Variants in PDS5B observed in about 807,000 individuals in gnomAD.
PDS5B encodes the protein PDS5 cohesin associated factor B.
PDS5B carries 51 observed loss-of-function variants against 184.1 expected under a neutral mutation model. That is an observed-to-expected ratio of 0.28 (90% CI 0.22 to 0.35). The LOEUF (loss-of-function observed/expected upper bound fraction) is 0.35. PDS5B is among the 10% of genes least tolerant of loss of function. The pLI, the probability that PDS5B is intolerant of heterozygous loss-of-function variation, is 1.00. For synonymous variants in PDS5B, 566 were observed against 569.2 expected (o/e 0.99, Z 0.08); for missense variants, 1,180 against 1,723.3 (o/e 0.68, Z 5.58).
At chr13:32,601,310 T>C (rs1216914648) in intron 1 of PDS5B, among the ~76,000 whole-genome samples, 2 of 152,236 alleles carry the variant, frequency 1.3e-5, no homozygotes, top group African/African-American at 4.8e-5. Flanking sequence ...TTCACACTCA[T>C]TTTCATTCAT....
chr13:32,606,024 T>G (rs1455281597), intron 1 of PDS5B, among the ~76,000 whole-genome samples: 1 of 152,196 alleles, frequency 6.6e-6, no homozygotes, highest in Non-Finnish European at 1.5e-5. Flanking sequence ...TTTATCCAAT[T>G]TGCCAGTCTG....
chr13:32,652,025 T>G lies in PDS5B; in HGVS notation c.312+18T>G. 6.7e-7 allele frequency: 1 copy of G among 1,502,738 alleles called. No homozygotes were observed. 93.1% of individuals were successfully genotyped at this position (1,502,738 alleles called of 1,614,324 possible). On this transcript the variant is annotated intron_variant, in intron 3 of 34. Coordinates refer to ENST00000315596, the MANE Select transcript of PDS5B (RefSeq NM_015032.4). The stretch of plus-strand genomic sequence containing the variant: ...AACTAAAGGCAAGTACTGATTTAAA[T>G]AACTCCAAGATTGACCGATACTTTG...
intron 1 of PDS5B, among the ~76,000 whole-genome samples, chr13:32,600,800 G>A (rs1233486734): frequency 6.6e-6 from 1 of 152,194 alleles, no homozygotes; most frequent in African/African-American, 2.4e-5. Flanking sequence ...CAAACTTAAA[G>A]CTCATGTGTT....
intron 9 of PDS5B, 101 bp from the exon 10 acceptor site, chr13:32,678,734 C>A: frequency 1.4e-6 from 1 of 694,934 alleles, no homozygotes; most frequent in South Asian, 1.8e-5. Flanking sequence ...CCTTCATAAA[C>A]TGTTTTTTCT....
Position 32,675,916 on chromosome 13 carries a change from T to C in PDS5B, c.919T>C (p.Leu307=), listed in dbSNP as rs772661110. Residue 307 remains leucine (L), a synonymous_variant, in exon 9 of 35, where the codon TTG becomes CTG. Transcript: ENST00000315596. ...AATGTTTGGGGCAAAGGATTCAGAA[T>C]TGGCTTCTCAAAACAAGCCACTTTG... The part of the protein sequence containing the change: ...AKMFGAKDSE[L]ASQNKPLWQC... The C allele has an allele frequency of 9.3e-6, 15 of 1,613,754 alleles. No homozygotes were observed. The Admixed American group carries it at 1.0e-4, about 11-fold the overall frequency.
chr13:32,679,080 AT>A (rs1193182357), intron 10 of PDS5B, 151 bp downstream of exon 10: 40,751 of 357,580 alleles, frequency 0.11, no homozygotes, highest in East Asian at 0.23. Flanking sequence ...CTGAAGCTAG[AT>A]TTTTTTTTTT....
intron 2 of PDS5B, chr13:32,650,113 T>C (rs959086679): frequency 6.6e-6 from 1 of 152,180 alleles, no homozygotes; most frequent in African/African-American, 2.4e-5. Context: ...CAGATTTCTT[T>C]CCTAATTTGG....
intron 14 of PDS5B, among the ~76,000 whole-genome samples, chr13:32,695,806 C>G (rs1566339141): frequency 6.6e-6 from 1 of 151,992 alleles, no homozygotes; most frequent in Non-Finnish European, 1.5e-5. Flanking sequence ...CCTGCTGAGT[C>G]ATACATGAAA....
chr13:32,661,760 T>C (rs1950655549), intron 6 of PDS5B, among the ~76,000 whole-genome samples: 1 of 152,084 alleles, frequency 6.6e-6, no homozygotes, highest in Admixed American at 6.6e-5. Context: ...AGAGAAATCA[T>C]ATATAAAGCA....
At chr13:32,747,920 C>T (rs1370198802) in intron 24 of PDS5B, among the ~76,000 whole-genome samples, 2 of 152,136 alleles carry the variant, frequency 1.3e-5, no homozygotes, top group Admixed American at 6.5e-5. Context: ...GGTAAATGTC[C>T]ACTCTAAGTA....
chr13:32,701,245 T>C, intron 16 of PDS5B, 78 bp from the exon 17 acceptor site: 1 of 745,712 alleles, frequency 1.3e-6, no homozygotes, highest in Non-Finnish European at 2.3e-6. Flanking sequence ...TGGTTTTAAT[T>C]ATTGTTGGTT....
chr13:32,760,496 G>C, intron 29 of PDS5B, 79 bp from the exon 30 acceptor site: 1 of 1,307,362 alleles, frequency 7.6e-7, no homozygotes, highest in Non-Finnish European at 1.1e-6. Flanking sequence ...CTTTGAGAGA[G>C]ATGTTATTTA....
intron 31 of PDS5B, 30 bp from the exon 32 acceptor site, chr13:32,770,091 C>G: frequency 6.5e-7 from 1 of 1,541,644 alleles, no homozygotes; most frequent in South Asian, 1.2e-5. Flanking sequence ...AATTTCATAA[C>G]CATAAATTGT....
chr13:32,756,392 A>AG (rs1267512093), intron 26 of PDS5B, among the ~76,000 whole-genome samples: 1 of 152,208 alleles, frequency 6.6e-6, no homozygotes, highest in African/African-American at 2.4e-5. Flanking sequence ...ACAATGGGCC[A>AG]AATTCGTAAC....
intron 19 of PDS5B, among the ~76,000 whole-genome samples, chr13:32,713,081 C>T (rs187651796): frequency 2.0e-5 from 3 of 152,244 alleles, no homozygotes; most frequent in Admixed American, 2.0e-4. Flanking sequence ...ACCCATAGCT[C>T]AAGTGACTGG....
chr13:32,675,752 T>C (rs1371893388), intron 8 of PDS5B, 92 bp from the exon 9 acceptor site: 4 of 648,590 alleles, frequency 6.2e-6, no homozygotes, highest in Non-Finnish European at 8.2e-6. Context: ...TCTGTGGAAT[T>C]GGAGCATCAG....
At chr13:32,750,553 TC>T (rs1189129716) in intron 24 of PDS5B, among the ~76,000 whole-genome samples, 111 of 150,920 alleles carry the variant, frequency 7.4e-4, no homozygotes, top group Admixed American at 7.3e-3. Flanking sequence ...TCCCCCCTCC[TC>T]CCCCCAAAAT....
chr13:32,723,502 G>A (rs906066939), intron 19 of PDS5B, among the ~76,000 whole-genome samples: 1 of 151,978 alleles, frequency 6.6e-6, no homozygotes, highest in African/African-American at 2.4e-5. Flanking sequence ...AGCATAGGTG[G>A]TTATTTATTT....
At position 32,673,287 on chromosome 13, in the gene PDS5B, T is replaced by C. The variant is rs752613279; in HGVS notation, c.777T>C (p.Ile259=). 3 of 1,613,164 alleles carry C rather than the reference T, an allele frequency of 1.9e-6. No individual in the cohort carries two copies. Among genetic ancestry groups the C allele is most frequent in the Admixed American group, 1.7e-5 (1 of 60,028 alleles). ...TGTCAGAGCATGTCTTTGACTTAAT[T>C]TTGGAGCTCTACAATATTGATAGTC... ...SDLSEHVFDL[I]LELYNIDSHL... The change falls in exon 8 of 35, where the codon ATT becomes ATC. Residue 259 remains isoleucine, a synonymous_variant. Coordinates refer to ENST00000315596, the MANE Select transcript of PDS5B (RefSeq NM_015032.4).
Sources: allele counts gnomAD v4.1 joint callset (sites outside exome capture counted in the v4.1 genomes callset), GRCh38; gene constraint gnomAD v4.1.1; transcripts MANE v1.5; gene names NCBI Gene and HGNC (gene_info 2026-07-23, HGNC 2026-07-21).